Variants in ZFHX4 observed in about 807,000 individuals in gnomAD.
ZFHX4 encodes zinc finger homeobox protein 4.
Under a neutral mutation model 267.6 loss-of-function variants are expected in ZFHX4, and 56 were observed. The observed-to-expected ratio is 0.21, with a 90% CI of 0.17 to 0.26. ZFHX4 has a LOEUF of 0.26. ZFHX4 is among the 10% of genes least tolerant of loss of function. ZFHX4 has a pLI of 1.00. For synonymous variants in ZFHX4, 1,778 were observed against 1,665.6 expected (o/e 1.07, Z -1.64); for missense variants, 4,332 against 4,420.0 (o/e 0.98, Z 0.56).
chr8:76,752,739 T>C (rs540521376), intron 3 of ZFHX4, among the ~76,000 whole-genome samples: 129 of 152,138 alleles, frequency 8.5e-4, no homozygotes, highest in Middle Eastern at 3.4e-3. Flanking sequence ...GCAGTACATA[T>C]ATATTTTGTC....
At chr8:76,717,750 C>T (rs534123697) in intron 3 of ZFHX4, among the ~76,000 whole-genome samples, 2 of 152,172 alleles carry the variant, frequency 1.3e-5, no homozygotes, top group East Asian at 3.9e-4. Flanking sequence ...GCAGGTGCCA[C>T]CACCCTGGGC....
rs369925965 is a variant in ZFHX4 at position 76,704,954 on chromosome 8, A to C, written c.866A>C (p.Tyr289Ser). ...MCFLCKLSFGYIRSFVTHAVH... is the reference protein window; with the variant it reads ...MCFLCKLSFGSIRSFVTHAVH... ...TTCTTGTGCAAGTTGTCTTTTGGTTATATCAGGTCATTTGTAACCCATGCT... is the reference window on the plus strand; with the variant it reads ...TTCTTGTGCAAGTTGTCTTTTGGTTCTATCAGGTCATTTGTAACCCATGCT... The change falls in exon 2 of 11, where the codon TAT becomes TCT. Residue 289 changes from tyrosine (Y) to serine (S), a missense_variant. By Grantham distance (144) the Tyr-to-Ser change is moderately radical. Around this residue, in one of 7 missense-constraint regions of ZFHX4, gnomAD observed 1,195 missense variants for 1,173.6 expected, o/e 1.02. Transcript: ENST00000651372. 3 of 1,613,910 alleles carry C rather than the reference A, an allele frequency of 1.9e-6. No individual in the cohort carries two copies. Among genetic ancestry groups the C allele is most frequent in the Admixed American group, 1.7e-5 (1 of 60,008 alleles).
intron 4 of ZFHX4, among the ~76,000 whole-genome samples, chr8:76,817,981 C>T (rs1381996365): frequency 2.6e-5 from 4 of 152,172 alleles, no homozygotes; most frequent in Non-Finnish European, 5.9e-5. Context: ...AGCATTTGGC[C>T]TGGGGCTGTG....
chr8:76,850,891 A>C lies in ZFHX4; in HGVS notation c.3970A>C (p.Ser1324Arg), dbSNP rs774091151. The C allele has an allele frequency of 6.3e-7, 1 of 1,595,016 alleles. No homozygotes were observed. The highest frequency in any genetic ancestry group is 8.5e-7 in the Non-Finnish European group (1 of 1,172,012). Residue 1324 changes from serine (S) to arginine (R), a missense_variant, in exon 10 of 11, where the codon AGT becomes CGT. Around this residue, in one of 7 missense-constraint regions of ZFHX4, gnomAD observed 1,371 missense variants for 1,423.1 expected, o/e 0.96. Coordinates refer to ENST00000651372, the MANE Select transcript of ZFHX4 (RefSeq NM_024721.5). ...AEGSGKYSGE[S>R]PMDDKSMAGL... ...TTTGTGCTTTTTCCTAATAGGTGAAAGTCCAATGGATGACAAAAGCATGGC... is the reference window on the plus strand; with the variant it reads ...TTTGTGCTTTTTCCTAATAGGTGAACGTCCAATGGATGACAAAAGCATGGC...
intron 1 of ZFHX4, among the ~76,000 whole-genome samples, chr8:76,688,272 T>C (rs1807741683): frequency 6.6e-6 from 1 of 152,254 alleles, no homozygotes; most frequent in Non-Finnish European, 1.5e-5. Flanking sequence ...CCTGTTTTTT[T>C]CCCCATAGGC....
At chr8:76,811,848 C>T (rs771924506) in intron 4 of ZFHX4, among the ~76,000 whole-genome samples, 22 of 152,188 alleles carry the variant, frequency 1.4e-4, no homozygotes, top group Middle Eastern at 6.8e-3. Flanking sequence ...GGCTTGAACC[C>T]GGGAGGCGGA....
chr8:76,790,809 A>C lies in ZFHX4; in HGVS notation c.3325+12370A>C, dbSNP rs540462353. ...AGTAGCATAATTCCCAAGTTGGAAC[A>C]ATTCAGTTACAGAAACTTGCTACCT... On this transcript the variant is annotated intron_variant, in intron 4 of 10. Coordinates refer to ENST00000651372, the MANE Select transcript of ZFHX4 (RefSeq NM_024721.5). 2.0e-5 allele frequency among the ~76,000 whole-genome samples: 3 copies of C among 152,238 alleles called. No homozygotes were observed. In the East Asian group the frequency reaches 5.8e-4, roughly 29 times the overall value.
chr8:76,732,754 A>T (rs1023203481), intron 3 of ZFHX4, among the ~76,000 whole-genome samples: 7 of 152,196 alleles, frequency 4.6e-5, no homozygotes, highest in Non-Finnish European at 8.8e-5. Context: ...TTCCCTCAAT[A>T]GCATACCTTC....
In ZFHX4 at chr8:76,852,885, C is replaced by A. The variant is rs1258878200; in HGVS notation, c.5964C>A (p.Ala1988=). The A allele has an allele frequency of 6.2e-7, 1 of 1,613,284 alleles. No homozygotes were observed. Among genetic ancestry groups the A allele is most frequent in the South Asian group, 1.1e-5 (1 of 90,958 alleles). Reference sequence around the variant, plus strand: ...AATTTGCTCGTCAATACAGGGAGGCCTATGACAAGCTTTATCCAATTTCTC... The same window carrying A: ...AATTTGCTCGTCAATACAGGGAGGCATATGACAAGCTTTATCCAATTTCTC... ...LEKFARQYRE[A]YDKLYPISPS... is the part of the protein sequence containing the mutation. Residue 1988 remains alanine, a synonymous_variant, in exon 10 of 11, where the codon GCC becomes GCA. Coordinates refer to ENST00000651372, the MANE Select transcript of ZFHX4 (RefSeq NM_024721.5).
chr8:76,731,338 C>G (rs1809005202), intron 3 of ZFHX4, among the ~76,000 whole-genome samples: 1 of 152,086 alleles, frequency 6.6e-6, no homozygotes, highest in Non-Finnish European at 1.5e-5. Flanking sequence ...AAGTGTTTGG[C>G]TCGATACTAG....
intron 3 of ZFHX4, among the ~76,000 whole-genome samples, chr8:76,724,011 C>G (rs1421098309): frequency 6.6e-6 from 1 of 151,916 alleles, no homozygotes; most frequent in African/African-American, 2.4e-5. Flanking sequence ...AGATTTTTAT[C>G]AGAAAGAAAG....
chr8:76,711,401 T>C (rs910346163), intron 3 of ZFHX4, among the ~76,000 whole-genome samples: 6 of 152,206 alleles, frequency 3.9e-5, no homozygotes, highest in Non-Finnish European at 5.9e-5. Flanking sequence ...TTTTAATGTT[T>C]GAATATGTAT....
chr8:76,736,284 A>T (rs1349531044), intron 3 of ZFHX4, among the ~76,000 whole-genome samples: 1 of 152,092 alleles, frequency 6.6e-6, no homozygotes, highest in East Asian at 1.9e-4. Flanking sequence ...CCTTGAAAAA[A>T]AACGAGATAA....
intron 3 of ZFHX4, chr8:76,733,579 T>C (rs1809078547): frequency 1.3e-5 from 2 of 152,218 alleles, no homozygotes; most frequent in Admixed American, 1.3e-4. Flanking sequence ...GTGCTACTTG[T>C]AAATGCCATA....
intron 9 of ZFHX4, among the ~76,000 whole-genome samples, 163 bp from the exon 10 acceptor site, chr8:76,850,723 A>G (rs1812491380): frequency 6.6e-6 from 1 of 152,194 alleles, no homozygotes. Flanking sequence ...TTATATCCCC[A>G]GTACCCAGTC....
At chr8:76,715,772 T>C (rs1808554551) in intron 3 of ZFHX4, among the ~76,000 whole-genome samples, 1 of 152,194 alleles carries the variant, frequency 6.6e-6, no homozygotes, top group Admixed American at 6.5e-5. Context: ...GGAAATTTTG[T>C]AATCTTGAAC....
intron 1 of ZFHX4, among the ~76,000 whole-genome samples, chr8:76,686,356 T>A (rs1323091073): frequency 6.6e-6 from 1 of 152,202 alleles, no homozygotes; most frequent in Non-Finnish European, 1.5e-5. Flanking sequence ...TTCTGAGGTG[T>A]GACATTAAAA....
rs372381230 is a variant in ZFHX4 at position 76,706,286 on chromosome 8, G to T, written c.2198G>T (p.Gly733Val). The change falls in exon 2 of 11, where the codon GGC (glycine) becomes GTC (valine). Residue 733 changes from glycine (G) to valine (V), a missense_variant. By Grantham distance (109) the Gly-to-Val change is moderately radical (BLOSUM62 -3). This residue lies in a region of ZFHX4 where 1,195 missense variants were observed against 1,173.6 expected (regional missense o/e 1.02). Transcript: ENST00000651372. Reference protein sequence around the residue: ...HLNNVQNLQNGNGEQVFGHSA... With the variant: ...HLNNVQNLQNVNGEQVFGHSA... ...AACAATGTTCAGAATCTCCAAAATG[G>T]CAATGGTGAGCAGGTGTTTGGCCAC... 79 of 1,613,910 alleles carry T rather than the reference G, an allele frequency of 4.9e-5. No individual in the cohort carries two copies. The highest frequency in any genetic ancestry group is 8.0e-5 in the African/African-American group (6 of 74,872).
At chr8:76,768,378 G>A (rs1285884402) in intron 3 of ZFHX4, among the ~76,000 whole-genome samples, 1 of 152,146 alleles carries the variant, frequency 6.6e-6, no homozygotes, top group East Asian at 1.9e-4. Context: ...TAATAATGCA[G>A]GTCATGATGC....
Sources: gnomAD v4.1 joint callset for allele counts (sites outside exome capture counted in the v4.1 genomes callset) on GRCh38, gnomAD v4.1.1 for gene constraint, gnomAD v4.1.1 regional missense constraint, MANE v1.5 for transcripts, NCBI Gene and HGNC (gene_info 2026-07-23, HGNC 2026-07-21) for gene names.